TRPS1: variants seen among roughly 807,000 people sequenced by gnomAD.
The protein encoded by TRPS1 is zinc finger transcription factor Trps1.
In TRPS1, 6 loss-of-function variants were observed where a neutral mutation model predicts 101.2. That is an observed-to-expected ratio of 0.06 (90% CI 0.03 to 0.12). TRPS1 has a LOEUF of 0.12. Among genes scored for constraint, TRPS1 ranks in the 10% least tolerant of loss-of-function variants. The pLI is 1.00. For synonymous variants in TRPS1, 578 were observed against 589.8 expected, an observed-to-expected ratio of 0.98 and a Z score of 0.29; for missense variants, 1,363 against 1,567.0, an observed-to-expected ratio of 0.87 and a Z score of 2.20.
At chr8:115,481,141 G>A (rs766553399) in intron 5 of TRPS1, among the ~76,000 whole-genome samples, 1 of 151,988 alleles carries the variant, frequency 6.6e-6, no homozygotes, top group Non-Finnish European at 1.5e-5. Context: ...AAAATGTAAC[G>A]GTTTGGCAAA....
At chr8:115,531,973 G>A (rs760819348) in intron 5 of TRPS1, among the ~76,000 whole-genome samples, 1 of 152,090 alleles carries the variant, frequency 6.6e-6, no homozygotes, top group Non-Finnish European at 1.5e-5. Context: ...TGGGGCTGTT[G>A]CCATGAGGAA....
At chr8:115,512,122 G>T (rs1401722820) in intron 5 of TRPS1, among the ~76,000 whole-genome samples, 1 of 151,712 alleles carries the variant, frequency 6.6e-6, no homozygotes, top group African/African-American at 2.4e-5. Flanking sequence ...TATTTTCAGG[G>T]TTTTATAAAA....
At chr8:115,417,090 T>A (rs1251109414) in intron 6 of TRPS1, among the ~76,000 whole-genome samples, 1 of 152,164 alleles carries the variant, frequency 6.6e-6, no homozygotes, top group Non-Finnish European at 1.5e-5. Context: ...ATAGTTTAGT[T>A]TATATCTCAG....
chr8:115,518,278 A>C (rs958347096), intron 5 of TRPS1, among the ~76,000 whole-genome samples: 1 of 151,898 alleles, frequency 6.6e-6, no homozygotes, highest in East Asian at 1.9e-4. Flanking sequence ...ACTATCCTAT[A>C]ACATCAAAAA....
intron 1 of TRPS1, among the ~76,000 whole-genome samples, chr8:115,634,754 A>G (rs1022847896): frequency 1.1e-4 from 16 of 152,114 alleles, no homozygotes; most frequent in Non-Finnish European, 5.9e-5. Flanking sequence ...TAACATTAAG[A>G]ATGCCCTGTT....
chr8:115,532,706 G>C (rs1816165116), intron 5 of TRPS1, among the ~76,000 whole-genome samples: 1 of 152,086 alleles, frequency 6.6e-6, no homozygotes, highest in Admixed American at 6.6e-5. Context: ...TATCTTGGTA[G>C]TCCTGGACAC....
At chr8:115,434,334 C>T (rs577711237) in intron 5 of TRPS1, among the ~76,000 whole-genome samples, 44 of 152,194 alleles carry the variant, frequency 2.9e-4, no homozygotes, top group African/African-American at 1.1e-3. Flanking sequence ...TCATTTAAAA[C>T]AGAGAGACTT....
At chr8:115,429,617 G>A (rs1163983059) in intron 5 of TRPS1, among the ~76,000 whole-genome samples, 2 of 152,184 alleles carry the variant, frequency 1.3e-5, no homozygotes, top group Admixed American at 6.5e-5. Flanking sequence ...TTGACATTTT[G>A]TACATCGAGC....
chr8:115,564,179 C>T (rs1287882442), intron 5 of TRPS1, among the ~76,000 whole-genome samples: 3 of 151,848 alleles, frequency 2.0e-5, no homozygotes, highest in Admixed American at 6.6e-5. Flanking sequence ...AAAATAGCAG[C>T]GATTAAATAC....
chr8:115,429,469 G>A (rs984187411), intron 5 of TRPS1, among the ~76,000 whole-genome samples: 3 of 152,102 alleles, frequency 2.0e-5, no homozygotes, highest in Non-Finnish European at 2.9e-5. Flanking sequence ...ACTCGCACCC[G>A]GCTCTCTCTG....
At chr8:115,534,807 T>C (rs1816241449) in intron 5 of TRPS1, among the ~76,000 whole-genome samples, 1 of 152,150 alleles carries the variant, frequency 6.6e-6, no homozygotes, top group Admixed American at 6.5e-5. Context: ...ACTACATTAC[T>C]TAATCCTTTC....
rs374702207 is a variant in TRPS1, at chr8:115,534,473, T to C, written c.2700+52528A>G. Among the ~76,000 whole-genome samples, 41 of 152,334 alleles carry C rather than the reference T, an allele frequency of 2.7e-4. No homozygotes were observed. In the East Asian group the frequency reaches 7.5e-3, roughly 28 times the overall value. ...AGCTCTAACCCCGATACCATCACAC[T>C]GGAGGTTGAAGCTCTAACCTCAATA... is the stretch of plus-strand genomic sequence containing the variant. On this transcript the variant is annotated intron_variant, in intron 5 of 6. Transcript: ENST00000395715.
chr8:115,485,235 G>C (rs955450772), intron 5 of TRPS1, among the ~76,000 whole-genome samples: 4 of 152,224 alleles, frequency 2.6e-5, no homozygotes, highest in Non-Finnish European at 4.4e-5. Context: ...ATAGGGGCTT[G>C]ACAGTGGTCT....
chr8:115,531,095 A>C (rs1183677524), intron 5 of TRPS1, among the ~76,000 whole-genome samples: 1 of 152,144 alleles, frequency 6.6e-6, no homozygotes, highest in Non-Finnish European at 1.5e-5. Flanking sequence ...AATTTAAAAA[A>C]AGAGTATGTT....
chr8:115,611,526 T>C (rs1417093238), intron 3 of TRPS1, among the ~76,000 whole-genome samples: 2 of 152,278 alleles, frequency 1.3e-5, no homozygotes, highest in East Asian at 3.9e-4. Context: ...TGCTGAGACA[T>C]GTAACAGGTT....
chr8:115,598,647 G>A (rs2130476050), intron 4 of TRPS1, among the ~76,000 whole-genome samples: 1 of 152,244 alleles, frequency 6.6e-6, no homozygotes, highest in Non-Finnish European at 1.5e-5. Flanking sequence ...GGCAATGTTT[G>A]TTTGGATTTG....
intron 5 of TRPS1, among the ~76,000 whole-genome samples, chr8:115,525,119 T>C (rs1267771965): frequency 6.6e-6 from 1 of 152,166 alleles, no homozygotes; most frequent in Admixed American, 6.6e-5. Context: ...AAAAAAACTT[T>C]CAATTTTACC....
At chr8:115,541,862 T>C (rs1419189837) in intron 5 of TRPS1, among the ~76,000 whole-genome samples, 1 of 152,160 alleles carries the variant, frequency 6.6e-6, no homozygotes, top group African/African-American at 2.4e-5. Context: ...AGAACCCTTA[T>C]ATCCACACAC....
chr8:115,545,579 C>G (rs956716861), intron 5 of TRPS1, among the ~76,000 whole-genome samples: 3 of 152,144 alleles, frequency 2.0e-5, no homozygotes, highest in Non-Finnish European at 4.4e-5. Flanking sequence ...TTGAAACCAT[C>G]TGAAATTAAG....
Sources: allele counts gnomAD v4.1 joint callset (sites outside exome capture counted in the v4.1 genomes callset), GRCh38; gene constraint gnomAD v4.1.1; transcripts MANE v1.5; gene names NCBI Gene and HGNC (gene_info 2026-07-23, HGNC 2026-07-21).